Variants in AGAP1 observed in about 807,000 individuals in gnomAD.
AGAP1 encodes ArfGAP with GTPase domain, ankyrin repeat and PH domain 1, also known as arf-GAP with GTPase, ANK repeat and PH domain-containing protein 1.
In AGAP1, 29 loss-of-function variants were observed where a neutral mutation model predicts 105.3. The ratio of observed to expected loss-of-function variants is 0.28; its 90% confidence interval spans 0.21 to 0.38. The LOEUF (loss-of-function observed/expected upper bound fraction) is 0.38, where lower values mean the gene tolerates loss of function less well. Among genes scored for constraint, AGAP1 ranks in the 10% least tolerant of loss-of-function variants. AGAP1 has a pLI of 1.00. For missense variants in AGAP1, 998 were observed against 1,165.1 expected (o/e 0.86, Z 2.09); for synonymous variants, 509 against 485.9 (o/e 1.05, Z -0.63).
In AGAP1 at chr2:235,849,158, G is replaced by A. The variant is rs113255491; in HGVS notation, c.1051-34187G>A. 6.5e-3 allele frequency among the ~76,000 whole-genome samples: 984 copies of A among 152,290 alleles called. 4 individuals are homozygous for A. The highest frequency in any genetic ancestry group is 9.2e-3 in the Non-Finnish European group (628 of 68,016). ...GATGTCTCATAATCTGCTTCATTTA[G>A]CAGCAAGAGAATTTAATGAAATTAA... On this transcript the variant is annotated intron_variant, in intron 9 of 17. Coordinates refer to ENST00000304032, the MANE Select transcript of AGAP1 (RefSeq NM_001037131.3).
rs1219979356 is a variant in AGAP1 at position 235,737,789 on chromosome 2, C to T, written c.311-3174C>T. Among the ~76,000 whole-genome samples the T allele has an allele frequency of 1.3e-5, 2 of 152,056 alleles. No homozygotes were observed. Among genetic ancestry groups the T allele is most frequent in the Non-Finnish European group, 1.5e-5 (1 of 68,018 alleles). ...GCGAGGGACACTGGCGTTGCAGGGC[C>T]CCTGGGACAGGCTCCACTCCTCCCT... On this transcript the variant is annotated intron_variant, in intron 3 of 17. Coordinates refer to ENST00000304032, the MANE Select transcript of AGAP1 (RefSeq NM_001037131.3). The surrounding 1 kb of genome is among the most constrained non-coding windows in gnomAD (Gnocchi z 4.5).
At chr2:235,861,950 G>C (rs1328932974) in intron 9 of AGAP1, among the ~76,000 whole-genome samples, 2 of 152,228 alleles carry the variant, frequency 1.3e-5, no homozygotes, top group Admixed American at 6.5e-5. Flanking sequence ...AACCATTGGG[G>C]ACCCTGCCCC....
rs1433195193 is a variant in AGAP1 at position 235,557,670 on chromosome 2, G to A, written c.163+62821G>A. 1.3e-5 allele frequency among the ~76,000 whole-genome samples: 2 copies of A among 152,090 alleles called. No homozygotes were observed. Among genetic ancestry groups the A allele is most frequent in the African/African-American group, 4.8e-5 (2 of 41,414 alleles). On this transcript the variant is annotated intron_variant, in intron 1 of 17. Coordinates refer to ENST00000304032, the MANE Select transcript of AGAP1 (RefSeq NM_001037131.3). This position sits in a 1 kb window ranked among gnomAD's most constrained non-coding sequence, Gnocchi z 4.7. ...CTGCTGTCTGGATAAGGAAACTGAG[G>A]CACAGAGGGTCGAGGAACTTGCTGT...
chr2:235,571,872 A>G (rs1944527199), intron 1 of AGAP1, among the ~76,000 whole-genome samples: 2 of 150,822 alleles, frequency 1.3e-5, no homozygotes, highest in African/African-American at 4.9e-5. Context: ...TGCTGGGACT[A>G]CAGGCGTTTG....
chr2:235,886,267 G>A (rs1575696633), intron 10 of AGAP1, among the ~76,000 whole-genome samples: 1 of 152,298 alleles, frequency 6.6e-6, no homozygotes, highest in East Asian at 1.9e-4. Context: ...TATCATTCTT[G>A]GTAAGACTCA....
intron 13 of AGAP1, among the ~76,000 whole-genome samples, chr2:236,025,465 CT>C (rs760794158): frequency 6.6e-6 from 1 of 152,162 alleles, no homozygotes; most frequent in Non-Finnish European, 1.5e-5. Context: ...GCTAAAAATT[CT>C]TCTTTGAACC....
rs772299051 is a variant in AGAP1, at chr2:236,121,191, C to G, written c.2370+744C>G. Among the ~76,000 whole-genome samples the G allele has an allele frequency of 7.2e-5, 11 of 152,230 alleles. No homozygotes were observed. The highest frequency in any genetic ancestry group is 1.3e-4 in the Non-Finnish European group (9 of 68,034). ...CAGAGGTGGGACACCCAGCTGGAGG[C>G]TCTTCTGTCTCCACCCGCAAGGCAG... On this transcript the variant is annotated intron_variant, in intron 17 of 17. Transcript: ENST00000304032. This position sits in a 1 kb window ranked among gnomAD's most constrained non-coding sequence, Gnocchi z 4.9.
At position 235,843,672 on chromosome 2, in the gene AGAP1, T is replaced by G. The variant is rs186521155; in HGVS notation, c.1050+36341T>G. Among the ~76,000 whole-genome samples, 184 of 152,266 alleles carry G rather than the reference T, an allele frequency of 1.2e-3. No individual in the cohort carries two copies. The highest frequency in any genetic ancestry group is 4.2e-3 in the African/African-American group (174 of 41,548). ...CCGCCCTGCATCTGAGATCTCTGTT[T>G]TAAGGCCAGCTCTCCCTAGATGTGT... is the stretch of plus-strand genomic sequence containing the variant. On this transcript the variant is annotated intron_variant, in intron 9 of 17. Transcript: ENST00000304032. This position sits in a 1 kb window ranked among gnomAD's most constrained non-coding sequence, Gnocchi z 5.9.
chr2:235,899,118 T>C (rs970858210), intron 10 of AGAP1, among the ~76,000 whole-genome samples: 56 of 152,202 alleles, frequency 3.7e-4, no homozygotes, highest in African/African-American at 1.3e-3. Context: ...AAAACTGAAG[T>C]GGGAGTTTGT....
At chr2:235,956,830 C>T (rs534241984) in intron 12 of AGAP1, among the ~76,000 whole-genome samples, 2 of 152,356 alleles carry the variant, frequency 1.3e-5, no homozygotes, top group East Asian at 1.9e-4. Context: ...GCTCATGGCC[C>T]AAGTCTCATG....
rs769845146 is a variant in AGAP1 at position 235,573,009 on chromosome 2, C to CT, written c.163+78162dup. On this transcript the variant is annotated intron_variant, in intron 1 of 17. Transcript: ENST00000304032. ...TCTTCTTCTTCTTCTTCTTCTTCTT[C>CT]TTCTTCTTCTTCTTCTTCTTCTTCT... Among the ~76,000 whole-genome samples, 336 of 24,080 alleles carry CT rather than the reference C, an allele frequency of 0.014. 31 individuals carry two copies. The East Asian group carries it at 0.2, about 15-fold the overall frequency. 15.8% of individuals were successfully genotyped at this position (24,080 alleles called of 152,430 possible). A position where few individuals can be genotyped will look rare whatever the true frequency, so the allele number is the denominator to read the frequency against.
rs374033522 is a variant in AGAP1, at chr2:235,890,581, G to A, written c.1155+7132G>A. Among the ~76,000 whole-genome samples, 8 of 152,330 alleles carry A rather than the reference G, an allele frequency of 5.3e-5. No individual in the cohort carries two copies. In the East Asian group the frequency reaches 1.5e-3, roughly 29 times the overall value. ...GAGTATGTTCAGCCACCAGTTGACAGTGGGCGGGGGCTGCCCAGCCTGTCC... is the reference window on the plus strand; with the variant it reads ...GAGTATGTTCAGCCACCAGTTGACAATGGGCGGGGGCTGCCCAGCCTGTCC... On this transcript the variant is annotated intron_variant, in intron 10 of 17. Coordinates refer to ENST00000304032, the MANE Select transcript of AGAP1 (RefSeq NM_001037131.3).
chr2:235,945,326 G>A lies in AGAP1; in HGVS notation c.1483+14403G>A, dbSNP rs138862842. On this transcript the variant is annotated intron_variant, in intron 12 of 17. Transcript: ENST00000304032. ...TCACCGTGTTAGCCAGGATGGTCTC[G>A]ATCTCCTGACCTCGTGATCCACCCA... Among the ~76,000 whole-genome samples, 989 of 152,148 alleles carry A rather than the reference G, an allele frequency of 6.5e-3. 8 individuals are homozygous for A. The highest frequency in any genetic ancestry group is 0.022 in the African/African-American group (904 of 41,498).
chr2:236,013,230 C>T (rs969386642), intron 13 of AGAP1, among the ~76,000 whole-genome samples: 2 of 152,170 alleles, frequency 1.3e-5, no homozygotes, highest in Non-Finnish European at 2.9e-5. Context: ...TCAGGTTTCT[C>T]GCGTATGTTT....
Position 236,096,055 on chromosome 2 carries a change from G to A in AGAP1, c.2115-24137G>A, listed in dbSNP as rs1174795467. Among the ~76,000 whole-genome samples the A allele has an allele frequency of 1.3e-5, 2 of 152,116 alleles. No homozygotes were observed. The highest frequency in any genetic ancestry group is 2.9e-5 in the Non-Finnish European group (2 of 68,032). On this transcript the variant is annotated intron_variant, in intron 16 of 17. Coordinates refer to ENST00000304032, the MANE Select transcript of AGAP1 (RefSeq NM_001037131.3). The surrounding 1 kb of genome is among the most constrained non-coding windows in gnomAD (Gnocchi z 4.4). Reference sequence around the variant, plus strand: ...GTACTTGGAAATCCATTCTGCATTCGCTCAGGTACAGACCTCAGATTTGGT... The same window carrying A: ...GTACTTGGAAATCCATTCTGCATTCACTCAGGTACAGACCTCAGATTTGGT...
intron 1 of AGAP1, among the ~76,000 whole-genome samples, chr2:235,500,853 A>G (rs991645116): frequency 2.0e-5 from 3 of 152,130 alleles, no homozygotes; most frequent in African/African-American, 7.2e-5. Flanking sequence ...TATTAGGGGA[A>G]TTTATTTACA....
chr2:235,814,572 C>T (rs768462539), intron 9 of AGAP1, among the ~76,000 whole-genome samples: 8 of 152,200 alleles, frequency 5.3e-5, no homozygotes, highest in Non-Finnish European at 1.2e-4. Context: ...AAAGTGTCTG[C>T]AGCCCCCAGG....
At chr2:235,922,174 G>T (rs1436637202) in intron 11 of AGAP1, among the ~76,000 whole-genome samples, 1 of 152,220 alleles carries the variant, frequency 6.6e-6, no homozygotes, top group Admixed American at 6.5e-5. Flanking sequence ...GAAGCTGCCT[G>T]TGAATGAGAT....
At chr2:235,800,909 C>T (rs1957465965) in intron 8 of AGAP1, among the ~76,000 whole-genome samples, 1 of 152,188 alleles carries the variant, frequency 6.6e-6, no homozygotes. Flanking sequence ...TTACTGCTGA[C>T]CCAGATGCAA....
Sources: allele counts gnomAD v4.1 joint callset (sites outside exome capture counted in the v4.1 genomes callset), GRCh38; gene constraint gnomAD v4.1.1; non-coding constraint Gnocchi (gnomAD v3.1); transcripts MANE v1.5; gene names NCBI Gene and HGNC (gene_info 2026-07-23, HGNC 2026-07-21).